The following SBF2 variants were observed in gnomAD, a reference collection of about 807,000 sequenced individuals.
SBF2 encodes the protein myotubularin-related protein 13.
In SBF2, 112 loss-of-function variants were observed where a neutral mutation model predicts 225.2. The ratio of observed to expected loss-of-function variants is 0.50; its 90% CI spans 0.43 to 0.58. The LOEUF is 0.58. Ranked by LOEUF, SBF2 falls within the 20% of genes least tolerant of loss-of-function variation. SBF2 has a pLI of 0.00. For synonymous variants in SBF2, 763 were observed against 773.3 expected, an observed-to-expected ratio of 0.99 and a Z score of 0.22; for missense variants, 1,996 against 2,206.2, an observed-to-expected ratio of 0.90 and a Z score of 1.91.
intron 16 of SBF2, among the ~76,000 whole-genome samples, chr11:9,896,523 G>T (rs1377602746): frequency 6.6e-6 from 1 of 152,060 alleles, no homozygotes; most frequent in African/African-American, 2.4e-5. Flanking sequence ...TGGGCGCGGT[G>T]GCTCATGCCT....
chr11:10,201,687 C>CATA (rs1466698052), intron 1 of SBF2, among the ~76,000 whole-genome samples: 1 of 152,148 alleles, frequency 6.6e-6, no homozygotes, highest in Non-Finnish European at 1.5e-5. Context: ...GGAAAGAGTC[C>CATA]ATAGGCTTTT....
intron 26 of SBF2, among the ~76,000 whole-genome samples, chr11:9,837,100 C>T (rs1321141113): frequency 6.6e-6 from 1 of 152,142 alleles, no homozygotes; most frequent in Non-Finnish European, 1.5e-5. Context: ...TCTCTTTGCA[C>T]TGCCTAAGAC....
At chr11:9,983,187 G>A (rs574208439) in intron 13 of SBF2, among the ~76,000 whole-genome samples, 149 of 152,288 alleles carry the variant, frequency 9.8e-4, no homozygotes, top group African/African-American at 2.9e-3. Context: ...TTTCAAGCCC[G>A]TCTGGCAGCC....
chr11:9,808,361 A>G, intron 31 of SBF2, 176 bp from the exon 32 acceptor site: 1 of 641,922 alleles, frequency 1.6e-6, no homozygotes. Context: ...TTGCCAGTAA[A>G]AACTAAAGCT....
intron 13 of SBF2, among the ~76,000 whole-genome samples, chr11:9,984,545 G>A (rs1005519063): frequency 3.9e-5 from 6 of 152,150 alleles, no homozygotes; most frequent in African/African-American, 1.4e-4. Context: ...GGCCTTGCAA[G>A]AGACCTAGAC....
At chr11:9,853,260 T>G (rs1480835978) in intron 20 of SBF2, among the ~76,000 whole-genome samples, 1 of 152,188 alleles carries the variant, frequency 6.6e-6, no homozygotes, top group Non-Finnish European at 1.5e-5. Flanking sequence ...GAGTTACTGC[T>G]TAATGGGTAG....
intron 2 of SBF2, among the ~76,000 whole-genome samples, chr11:10,127,725 T>G (rs1444606901): frequency 6.6e-6 from 1 of 152,164 alleles, no homozygotes; most frequent in African/African-American, 2.4e-5. Context: ...CCTTAAGAGA[T>G]AGGGATTTTG....
chr11:10,277,942 G>T (rs1176321760), intron 1 of SBF2, among the ~76,000 whole-genome samples: 1 of 152,188 alleles, frequency 6.6e-6, no homozygotes, highest in Non-Finnish European at 1.5e-5. Flanking sequence ...TCACGAGTTT[G>T]TAGTAATTTG....
At chr11:10,053,021 G>GTA (rs961158482) in intron 2 of SBF2, among the ~76,000 whole-genome samples, 2 of 151,846 alleles carry the variant, frequency 1.3e-5, no homozygotes, top group Non-Finnish European at 2.9e-5. Flanking sequence ...ATGTATGTAT[G>GTA]TGTGTGTGTG....
intron 17 of SBF2, among the ~76,000 whole-genome samples, chr11:9,865,808 T>C (rs1031020734): frequency 1.3e-5 from 2 of 151,726 alleles, no homozygotes; most frequent in African/African-American, 4.9e-5. Context: ...GAGATGGGAT[T>C]TGAACCCAGC....
At chr11:9,942,909 A>G (rs1052494344) in intron 16 of SBF2, among the ~76,000 whole-genome samples, 5 of 43,666 alleles carry the variant, frequency 1.1e-4, no homozygotes, top group South Asian at 6.6e-4. Context: ...GAGAGAAAGA[A>G]AGAAAGAAAG....
intron 17 of SBF2, among the ~76,000 whole-genome samples, chr11:9,867,099 T>C (rs1470348104): frequency 6.6e-6 from 1 of 152,188 alleles, no homozygotes; most frequent in East Asian, 1.9e-4. Context: ...ATGGTTTAAT[T>C]GTACATTTAA....
At chr11:9,918,873 G>A (rs554331079) in intron 16 of SBF2, among the ~76,000 whole-genome samples, 161 of 151,964 alleles carry the variant, frequency 1.1e-3, no homozygotes, top group Non-Finnish European at 1.9e-3. Context: ...TGAGTAGCTG[G>A]GACTACAGGC....
intron 16 of SBF2, among the ~76,000 whole-genome samples, chr11:9,925,668 C>T (rs1863978302): frequency 1.3e-5 from 2 of 152,230 alleles, no homozygotes; most frequent in Admixed American, 1.3e-4. Flanking sequence ...TTGAATTAGA[C>T]ACATTTCACC....
chr11:10,125,868 A>G (rs1023352857), intron 2 of SBF2, among the ~76,000 whole-genome samples: 1 of 152,198 alleles, frequency 6.6e-6, no homozygotes, highest in Non-Finnish European at 1.5e-5. Context: ...AGTATGAGTC[A>G]GAAATTTTGT....
chr11:10,173,149 G>A (rs903205329), intron 2 of SBF2, among the ~76,000 whole-genome samples: 5 of 152,184 alleles, frequency 3.3e-5, no homozygotes, highest in African/African-American at 1.2e-4. Flanking sequence ...ACTTAGTCAG[G>A]AGAGGAGCCA....
At chr11:10,222,163 T>G (rs184212038) in intron 1 of SBF2, among the ~76,000 whole-genome samples, 1 of 152,272 alleles carries the variant, frequency 6.6e-6, no homozygotes, top group African/African-American at 2.4e-5. Context: ...CTAACAAGCA[T>G]CAACACTCTT....
intron 21 of SBF2, among the ~76,000 whole-genome samples, chr11:9,851,145 A>G (rs535338825): frequency 1.3e-5 from 2 of 149,940 alleles, no homozygotes; most frequent in South Asian, 4.2e-4. Context: ...CAAAAAAAAA[A>G]AAAACAACAA....
chr11:10,127,622 T>C (rs938069455), intron 2 of SBF2, among the ~76,000 whole-genome samples: 3 of 152,192 alleles, frequency 2.0e-5, no homozygotes, highest in Non-Finnish European at 4.4e-5. Flanking sequence ...TGTCAAAGTA[T>C]GTCATTTGAC....
Sources: gnomAD v4.1 joint callset for allele counts (sites outside exome capture counted in the v4.1 genomes callset) on GRCh38, gnomAD v4.1.1 for gene constraint, MANE v1.5 for transcripts, NCBI Gene and HGNC (gene_info 2026-07-23, HGNC 2026-07-21) for gene names.